SYK: variants seen among roughly 807,000 people sequenced by gnomAD.
SYK encodes tyrosine-protein kinase SYK.
In SYK, 16 loss-of-function variants were observed where a neutral mutation model predicts 77.8. The ratio of observed to expected loss-of-function variants is 0.21; its 90% CI spans 0.14 to 0.31. SYK has a LOEUF of 0.31. SYK is among the 10% of genes least tolerant of loss of function. The pLI, the probability that SYK is intolerant of heterozygous loss-of-function variation, is 1.00. For missense variants in SYK, 529 were observed against 814.4 expected (o/e 0.65, Z 4.26); for synonymous variants, 312 against 308.7 (o/e 1.01, Z -0.11).
chr9:90,895,695 C>A lies in SYK; in HGVS notation c.*95C>A. The stretch of plus-strand genomic sequence containing the variant: ...TTGATTGTCAGCCACCTCCCTCTGC[C>A]AGTCGGGAGAGCCAGGCTTGGATGG... On this transcript the variant is annotated 3_prime_UTR_variant, in exon 14 of 14. Coordinates refer to ENST00000375754, the MANE Select transcript of SYK (RefSeq NM_003177.7). This position sits in a 1 kb window ranked among gnomAD's most constrained non-coding sequence, Gnocchi z 4.4. The A allele has an allele frequency of 1.7e-6, 2 of 1,199,492 alleles. No individual in the cohort carries two copies. Among genetic ancestry groups the A allele is most frequent in the Non-Finnish European group, 2.4e-6 (2 of 819,540 alleles). 74.3% of individuals were successfully genotyped at this position (1,199,492 alleles called of 1,614,324 possible). A position where few individuals can be genotyped will look rare whatever the true frequency, so the allele number is the denominator to read the frequency against.
At chr9:90,825,715 TG>T (rs1440940226) in intron 1 of SYK, among the ~76,000 whole-genome samples, 1 of 151,948 alleles carries the variant, frequency 6.6e-6, no homozygotes, top group Admixed American at 6.6e-5. Flanking sequence ...GGGAGCAAGG[TG>T]GGGGCACTGA....
At chr9:90,820,203 G>C (rs1305081707) in intron 1 of SYK, among the ~76,000 whole-genome samples, 1 of 152,184 alleles carries the variant, frequency 6.6e-6, no homozygotes, top group Non-Finnish European at 1.5e-5. Flanking sequence ...GGCTTTTCCA[G>C]GCACATGGTG....
chr9:90,848,451 C>T (rs1378586804), intron 3 of SYK, among the ~76,000 whole-genome samples: 3 of 152,204 alleles, frequency 2.0e-5, no homozygotes, highest in Non-Finnish European at 4.4e-5. Flanking sequence ...TCCAAATCTG[C>T]CCTACTTGCA....
chr9:90,828,829 G>A (rs79425039), intron 1 of SYK, among the ~76,000 whole-genome samples: 1,617 of 152,196 alleles, frequency 0.011, 31 homozygotes, highest in African/African-American at 0.037. Flanking sequence ...AGCACAGCAC[G>A]GTGACTTGAC....
chr9:90,803,427 A>G, intron 1 of SYK, among the ~76,000 whole-genome samples: 1 of 152,178 alleles, frequency 6.6e-6, no homozygotes, highest in East Asian at 1.9e-4. Flanking sequence ...GAAATATAAA[A>G]TAGGATTTTA....
intron 1 of SYK, among the ~76,000 whole-genome samples, chr9:90,841,153 A>T (rs966453478): frequency 2.9e-5 from 4 of 136,600 alleles, no homozygotes; most frequent in East Asian, 4.5e-4. Flanking sequence ...GCATGTAGTG[A>T]TGTGGTGTGG....
At chr9:90,863,219 A>G (rs1827344935) in intron 4 of SYK, among the ~76,000 whole-genome samples, 1 of 152,208 alleles carries the variant, frequency 6.6e-6, no homozygotes, top group South Asian at 2.1e-4. Context: ...AGCATCCTAT[A>G]AACTGTAGTA....
chr9:90,838,569 C>T (rs1474400924), intron 1 of SYK, among the ~76,000 whole-genome samples: 7 of 152,192 alleles, frequency 4.6e-5, no homozygotes, highest in Non-Finnish European at 1.0e-4. Context: ...GAAAACCCTC[C>T]TTGCTGAACC....
chr9:90,833,432 A>G (rs1825964544), intron 1 of SYK, among the ~76,000 whole-genome samples: 1 of 152,146 alleles, frequency 6.6e-6, no homozygotes, highest in South Asian at 2.1e-4. Flanking sequence ...GGGAGCTGGG[A>G]GTGTTAGTGT....
intron 4 of SYK, 64 bp downstream of exon 4, chr9:90,862,408 T>G: frequency 6.4e-7 from 1 of 1,552,542 alleles, no homozygotes; most frequent in Non-Finnish European, 8.7e-7. Context: ...CCTTGTCCCA[T>G]GGACTCTTAG....
At chr9:90,863,632 T>A (rs114994648) in intron 4 of SYK, among the ~76,000 whole-genome samples, 162 of 152,368 alleles carry the variant, frequency 1.1e-3, no homozygotes, top group African/African-American at 3.8e-3. Flanking sequence ...ACAGGCTTCT[T>A]TCTTTTAACG....
chr9:90,848,603 A>G (rs982465527), intron 3 of SYK, among the ~76,000 whole-genome samples: 1 of 152,198 alleles, frequency 6.6e-6, no homozygotes, highest in Non-Finnish European at 1.5e-5. Flanking sequence ...TCGGGCCTTC[A>G]TTCAGATTCT....
intron 3 of SYK, among the ~76,000 whole-genome samples, chr9:90,846,386 A>G (rs1264687794): frequency 6.6e-6 from 1 of 152,208 alleles, no homozygotes; most frequent in Non-Finnish European, 1.5e-5. Context: ...ATGCAGCCTC[A>G]TGGTTTGGCA....
At chr9:90,872,017 C>T (rs562291666) in intron 7 of SYK, among the ~76,000 whole-genome samples, 1 of 152,248 alleles carries the variant, frequency 6.6e-6, no homozygotes, top group African/African-American at 2.4e-5. Flanking sequence ...TTATTTGTGC[C>T]CAGGGGTTTA....
At chr9:90,881,207 A>G (rs1402829463) in intron 11 of SYK, among the ~76,000 whole-genome samples, 1 of 152,202 alleles carries the variant, frequency 6.6e-6, no homozygotes, top group Non-Finnish European at 1.5e-5. Context: ...ACAGCATACC[A>G]TTAAAAAGTA....
chr9:90,844,346 C>A, intron 2 of SYK, 31 bp downstream of exon 2: 1 of 1,530,172 alleles, frequency 6.5e-7, no homozygotes, highest in Non-Finnish European at 8.7e-7. Context: ...CTCCCTGGGC[C>A]CAGGGGGCCC....
rs770248008 is a variant in SYK, at chr9:90,865,116, A to T, written c.846+19A>T. 1.2e-6 allele frequency: 2 copies of T among 1,611,624 alleles called. No homozygotes were observed. Among genetic ancestry groups the T allele is most frequent in the South Asian group, 2.2e-5 (2 of 91,036 alleles). On this transcript the variant is annotated intron_variant, in intron 6 of 13. Coordinates refer to ENST00000375754, the MANE Select transcript of SYK (RefSeq NM_003177.7). ...TCCTGCGGTAAGTGTCACTAGGAAT[A>T]CCACTGAATGAGAAGCTGTTGCATA... is the stretch of plus-strand genomic sequence containing the variant.
At chr9:90,855,697 TGAGAGA>T (rs373151521) in intron 3 of SYK, among the ~76,000 whole-genome samples, 9 of 150,184 alleles carry the variant, frequency 6.0e-5, no homozygotes, top group Admixed American at 2.0e-4. Flanking sequence ...TGGGTGTGTG[TGAGAGA>T]GAGAGAGAGA....
At chr9:90,889,572 A>G (rs1828712303) in intron 13 of SYK, among the ~76,000 whole-genome samples, 1 of 152,230 alleles carries the variant, frequency 6.6e-6, no homozygotes, top group African/African-American at 2.4e-5. Context: ...CTCTACCACA[A>G]TTGTGAGTGA....
Sources: allele counts gnomAD v4.1 joint callset (sites outside exome capture counted in the v4.1 genomes callset), GRCh38; gene constraint gnomAD v4.1.1; non-coding constraint Gnocchi (gnomAD v3.1); transcripts MANE v1.5; gene names NCBI Gene and HGNC (gene_info 2026-07-23, HGNC 2026-07-21).